ANKRD28: variants seen among roughly 807,000 people sequenced by gnomAD.
The protein encoded by ANKRD28 is ankyrin repeat domain 28, also known as serine/threonine-protein phosphatase 6 regulatory ankyrin repeat subunit A.
In ANKRD28, 44 loss-of-function variants were observed where a neutral mutation model predicts 126.5. That is an observed-to-expected ratio of 0.35 (90% CI 0.27 to 0.45). The LOEUF (loss-of-function observed/expected upper bound fraction) is 0.45, where lower values mean the gene tolerates loss of function less well. Among genes scored for constraint, ANKRD28 ranks in the 20% least tolerant of loss-of-function variants. The pLI is 1.00. For missense variants in ANKRD28, 1,110 were observed against 1,316.6 expected (o/e 0.84, Z 2.43); for synonymous variants, 442 against 468.5 (o/e 0.94, Z 0.73).
chr3:15,765,847 C>CAAA (rs202083902), intron 3 of ANKRD28, among the ~76,000 whole-genome samples: 2 of 133,112 alleles, frequency 1.5e-5, no homozygotes, highest in African/African-American at 6.0e-5. Flanking sequence ...AACCAAAAAC[C>CAAA]AAAAAAAAAA....
chr3:15,693,337 G>A (rs1490467546), intron 17 of ANKRD28, among the ~76,000 whole-genome samples: 3 of 152,046 alleles, frequency 2.0e-5, no homozygotes, highest in East Asian at 1.9e-4. Flanking sequence ...CAGAGAGAGA[G>A]AGAGAGAGAG....
intron 23 of ANKRD28, among the ~76,000 whole-genome samples, chr3:15,678,745 G>A (rs2067218579): frequency 6.6e-6 from 1 of 151,708 alleles, no homozygotes; most frequent in Admixed American, 6.6e-5. Flanking sequence ...AATAATCTTT[G>A]GGAAACAAAT....
chr3:15,775,726 G>A (rs1056345094), intron 2 of ANKRD28, among the ~76,000 whole-genome samples: 20 of 152,192 alleles, frequency 1.3e-4, no homozygotes, highest in African/African-American at 4.3e-4. Context: ...CAGCTTCCAC[G>A]GAAGGGCGTG....
chr3:15,800,994 T>C (rs144101706), upstream of ANKRD28, among the ~76,000 whole-genome samples: 112 of 152,254 alleles, frequency 7.4e-4, 2 homozygotes, highest in East Asian at 0.019. Context: ...GAGAAAGTAC[T>C]TCTGATAAAA....
At chr3:15,765,563 C>A (rs1400264415) in intron 3 of ANKRD28, among the ~76,000 whole-genome samples, 2 of 152,072 alleles carry the variant, frequency 1.3e-5, no homozygotes, top group African/African-American at 2.4e-5. Context: ...CCTATGTAGG[C>A]GGGCATGGTG....
At chr3:15,691,203 A>G (rs2068753492) in intron 17 of ANKRD28, among the ~76,000 whole-genome samples, 1 of 151,530 alleles carries the variant, frequency 6.6e-6, no homozygotes. Context: ...GCTCACTGCA[A>G]CCTCCGCCTC....
chr3:15,724,100 C>T (rs982669776), intron 7 of ANKRD28, among the ~76,000 whole-genome samples: 1 of 152,060 alleles, frequency 6.6e-6, no homozygotes, highest in African/African-American at 2.4e-5. Flanking sequence ...CTGCTGATTC[C>T]CATAAATGAA....
intron 6 of ANKRD28, among the ~76,000 whole-genome samples, chr3:15,727,454 C>T (rs2074251518): frequency 6.6e-6 from 1 of 150,388 alleles, no homozygotes; most frequent in Non-Finnish European, 1.5e-5. Flanking sequence ...GTAATCCCAG[C>T]TACTTGGGAG....
chr3:15,751,511 T>C (rs976398760), intron 4 of ANKRD28, among the ~76,000 whole-genome samples: 1 of 152,164 alleles, frequency 6.6e-6, no homozygotes, highest in Non-Finnish European at 1.5e-5. Flanking sequence ...ATTTCTCTTG[T>C]AGAAGGGACA....
chr3:15,809,333 T>C (rs930268632), intron 1 of ANKRD28, among the ~76,000 whole-genome samples: 1 of 152,210 alleles, frequency 6.6e-6, no homozygotes, highest in East Asian at 1.9e-4. Context: ...TCTAGTTCTA[T>C]ACATCCTTGT....
At chr3:15,736,545 C>T (rs2075028691) in intron 5 of ANKRD28, among the ~76,000 whole-genome samples, 4 of 152,218 alleles carry the variant, frequency 2.6e-5, no homozygotes, top group Non-Finnish European at 5.9e-5. Flanking sequence ...CTTTGGTGTA[C>T]ACATAAACCC....
At position 15,814,652 on chromosome 3, in the gene ANKRD28, C is replaced by T. The variant is rs1489293384; in HGVS notation, c.28-19346G>A. Among the ~76,000 whole-genome samples the T allele has an allele frequency of 6.6e-6, 1 of 152,004 alleles. No individual in the cohort carries two copies. The highest frequency in any genetic ancestry group is 1.5e-5 in the Non-Finnish European group (1 of 67,954). On this transcript the variant is annotated intron_variant, in intron 1 of 27. Coordinates refer to the ANKRD28 transcript ENST00000399451. The surrounding 1 kb of genome is among the most constrained non-coding windows in gnomAD (Gnocchi z 4.7). ...AAACACACACACACACATATACACA[C>T]ACAAACTTTTCAAATGCATTCACTA...
chr3:15,753,288 T>C (rs2057969007), intron 3 of ANKRD28, among the ~76,000 whole-genome samples: 1 of 152,248 alleles, frequency 6.6e-6, no homozygotes, highest in Non-Finnish European at 1.5e-5. Context: ...ATCACAGTAA[T>C]GCCAACGTTT....
intron 5 of ANKRD28, among the ~76,000 whole-genome samples, chr3:15,736,772 C>G (rs2125132197): frequency 6.6e-6 from 1 of 152,278 alleles, no homozygotes; most frequent in South Asian, 2.1e-4. Flanking sequence ...ATTTTTCCTG[C>G]CACAATAATA....
intron 3 of ANKRD28, among the ~76,000 whole-genome samples, chr3:15,755,488 T>C (rs2058105536): frequency 6.6e-6 from 1 of 152,244 alleles, no homozygotes; most frequent in African/African-American, 2.4e-5. Context: ...CCACACAGAA[T>C]ACTCCAAAGT....
chr3:15,685,196 A>G (rs981396213), intron 21 of ANKRD28, 30 bp downstream of exon 21: 2 of 1,603,902 alleles, frequency 1.2e-6, no homozygotes, highest in Admixed American at 1.7e-5. Context: ...TCACTACACA[A>G]TGATATGCAT....
At position 15,830,969 on chromosome 3, in the gene ANKRD28, G is replaced by A. The variant is rs149986556; in HGVS notation, c.27+28408C>T. Among the ~76,000 whole-genome samples the A allele has an allele frequency of 8.1e-4, 123 of 152,208 alleles. No individual in the cohort carries two copies. Among genetic ancestry groups the A allele is most frequent in the African/African-American group, 2.9e-3 (119 of 41,538 alleles). On this transcript the variant is annotated intron_variant, in intron 1 of 27. Transcript: ENST00000399451. The surrounding 1 kb of genome is among the most constrained non-coding windows in gnomAD (Gnocchi z 4.5). ...GGCCTTGGTTGGCAATACTCCTTGC[G>A]TGTCACCATATATTGTTGCTGGGAA...
intron 14 of ANKRD28, among the ~76,000 whole-genome samples, chr3:15,704,038 T>A (rs1039438067): frequency 1.3e-5 from 2 of 152,144 alleles, no homozygotes; most frequent in African/African-American, 4.8e-5. Flanking sequence ...CTTATATACA[T>A]ACTACACACA....
chr3:15,859,567 G>GCCTC, exon 1 of ANKRD28: 1 of 353,208 alleles, frequency 2.8e-6, no homozygotes, highest in African/African-American at 2.4e-5. Flanking sequence ...GGGCGGCGCC[G>GCCTC]CCTCCCCGGC....
Sources: gnomAD v4.1 joint callset for allele counts (sites outside exome capture counted in the v4.1 genomes callset) on GRCh38, gnomAD v4.1.1 for gene constraint, Gnocchi (gnomAD v3.1) non-coding constraint, MANE v1.5 for transcripts, NCBI Gene and HGNC (gene_info 2026-07-23, HGNC 2026-07-21) for gene names.